Variants in ADGB observed in about 807,000 individuals in gnomAD.
ADGB encodes androglobin.
In ADGB, 172 loss-of-function variants were observed where a neutral mutation model predicts 210.5. That is an observed-to-expected ratio of 0.82 (90% CI 0.72 to 0.93). The LOEUF (loss-of-function observed/expected upper bound fraction) is 0.93. ADGB is among the 40% of genes least tolerant of loss of function. The pLI, the probability that ADGB is intolerant of heterozygous loss-of-function variation, is 0.00. For missense variants in ADGB, 2,025 were observed against 1,964.8 expected (o/e 1.03, Z -0.58); for synonymous variants, 658 against 662.7 (o/e 0.99, Z 0.11).
In ADGB at chr6:146,691,295, G is replaced by A. The variant is rs1422476091; in HGVS notation, c.1486+5G>A. 6.5e-7 allele frequency: 1 copy of A among 1,534,006 alleles called. No individual in the cohort carries two copies. Among genetic ancestry groups the A allele is most frequent in the Non-Finnish European group, 8.8e-7 (1 of 1,141,050 alleles). ...TTATAACAGATGAAGCTCAAGGTATGTATCACATCATCTTCAAATCCTTCT... is the reference window on the plus strand; with the variant it reads ...TTATAACAGATGAAGCTCAAGGTATATATCACATCATCTTCAAATCCTTCT... On this transcript the variant is annotated splice_donor_5th_base_variant and intron_variant, in intron 11 of 35. Transcript: ENST00000397944.
intron 4 of ADGB, among the ~76,000 whole-genome samples, chr6:146,655,827 A>G (rs1775771491): frequency 6.6e-6 from 1 of 152,160 alleles, no homozygotes; most frequent in Non-Finnish European, 1.5e-5. Flanking sequence ...TTTCTACTTT[A>G]TCAAACATTA....
At chr6:146,761,435 T>A (rs1214462454) in intron 27 of ADGB, among the ~76,000 whole-genome samples, 1 of 152,054 alleles carries the variant, frequency 6.6e-6, no homozygotes, top group African/African-American at 2.4e-5. Flanking sequence ...TCTGGATCAG[T>A]TGATCTAAAT....
chr6:146,643,319 G>A (rs1396186946), intron 2 of ADGB, among the ~76,000 whole-genome samples: 2 of 151,748 alleles, frequency 1.3e-5, no homozygotes, highest in Admixed American at 1.3e-4. Context: ...AGGCCACACC[G>A]GCCTTAGGGT....
intron 13 of ADGB, among the ~76,000 whole-genome samples, chr6:146,709,670 C>T (rs913437198): frequency 1.3e-5 from 2 of 152,172 alleles, no homozygotes; most frequent in African/African-American, 2.4e-5. Flanking sequence ...GTGGCCTGGA[C>T]CCTAGGCCTG....
intron 1 of ADGB, among the ~76,000 whole-genome samples, chr6:146,614,588 C>T (rs1305537415): frequency 6.6e-6 from 1 of 152,026 alleles, no homozygotes; most frequent in Non-Finnish European, 1.5e-5. Flanking sequence ...TAATACATAA[C>T]TGTACATATT....
intron 25 of ADGB, among the ~76,000 whole-genome samples, chr6:146,741,891 C>T (rs1777168076): frequency 6.6e-6 from 1 of 152,168 alleles, no homozygotes; most frequent in Non-Finnish European, 1.5e-5. Context: ...ATAATGTATA[C>T]CTAGCTGGAT....
intron 32 of ADGB, among the ~76,000 whole-genome samples, chr6:146,786,958 T>A (rs150981224): frequency 6.6e-6 from 1 of 151,918 alleles, no homozygotes; most frequent in African/African-American, 2.4e-5. Flanking sequence ...CAGGAACAAG[T>A]GGGGAATTAA....
Position 146,803,708 on chromosome 6 carries a change from ATAATCTCT to A in ADGB, c.4818+1701_4818+1708del, listed in dbSNP as rs1778166143. The stretch of plus-strand genomic sequence containing the variant: ...TTTAACATTGTGAGTTTCCGATGCC[ATAATCTCT>A]TAAGTACCGGCGCCTCATGGTACCG... On this transcript the variant is annotated intron_variant, in intron 35 of 35. Transcript: ENST00000397944. 6 of 1,102,118 alleles carry A rather than the reference ATAATCTCT, an allele frequency of 5.4e-6. No homozygotes were observed. The Admixed American group carries it at 9.6e-5, about 18-fold the overall frequency. The allele number at this position is 1,102,118 out of a possible 1,614,324, so 68.3% of individuals were successfully genotyped here.
At chr6:146,655,529 T>C (rs1256634632) in intron 4 of ADGB, among the ~76,000 whole-genome samples, 1 of 152,178 alleles carries the variant, frequency 6.6e-6, no homozygotes, top group African/African-American at 2.4e-5. Context: ...AAAATTATTT[T>C]CTGCTAAGAC....
rs1054377163 is a variant in ADGB at position 146,815,181 on chromosome 6, T to C, written c.4968T>C (p.Pro1656=). 7 of 1,511,138 alleles carry C rather than the reference T, an allele frequency of 4.6e-6. No homozygotes were observed. The highest frequency in any genetic ancestry group is 6.2e-6 in the Non-Finnish European group (7 of 1,136,624). The allele number at this position is 1,511,138 out of a possible 1,614,324, so 93.6% of individuals were successfully genotyped here. The change falls in exon 36 of 36, where the codon CCT becomes CCC. Residue 1656 remains proline, a synonymous_variant. Transcript: ENST00000397944. ...AGACAGAAAAGATGACCCCAGCTCC[T>C]GACACACAGAAAAAAAAGAAAGGAA... is the stretch of plus-strand genomic sequence containing the variant. The part of the protein sequence containing the change: ...KLETEKMTPA[P]DTQKKKKGKK...
In ADGB at chr6:146,602,682, C is replaced by T. The variant is rs527304777; in HGVS notation, c.74+3568C>T. Among the ~76,000 whole-genome samples, 5 of 152,228 alleles carry T rather than the reference C, an allele frequency of 3.3e-5. No homozygotes were observed. The East Asian group carries it at 7.7e-4, about 24-fold the overall frequency. ...CAAGGGTCCCCACCCGCTGGGGCTGCGGACCAGTACCAGTCCATGGCCTGT... is the reference window on the plus strand; with the variant it reads ...CAAGGGTCCCCACCCGCTGGGGCTGTGGACCAGTACCAGTCCATGGCCTGT... On this transcript the variant is annotated intron_variant, in intron 1 of 35. Coordinates refer to ENST00000397944, the MANE Select transcript of ADGB (RefSeq NM_024694.4).
intron 29 of ADGB, among the ~76,000 whole-genome samples, chr6:146,776,081 G>T (rs1285184235): frequency 6.6e-6 from 1 of 152,038 alleles, no homozygotes; most frequent in Non-Finnish European, 1.5e-5. Flanking sequence ...GGAGGATATT[G>T]TAAGAGGAGA....
rs1205001920 is a variant in ADGB, at chr6:146,769,065, C to T, written c.3796C>T (p.Pro1266Ser). 1.3e-6 allele frequency: 2 copies of T among 1,530,624 alleles called. No homozygotes were observed. The highest frequency in any genetic ancestry group is 2.0e-5 in the Admixed American group (1 of 50,902). The allele number at this position is 1,530,624 out of a possible 1,614,324, so 94.8% of individuals were successfully genotyped here. The change falls in exon 29 of 36, where the codon CCT (proline) becomes TCT (serine). Residue 1266 changes from proline to serine, a missense_variant. Transcript: ENST00000397944. ...GTGTTCGGTGTTGTATAACAGTTGG[C>T]CTCTCACTGAAAGCCAGCTGACATT... The part of the protein sequence containing the change: ...IQCSVLYNSW[P>S]LTESQLTFVQ...
intron 1 of ADGB, among the ~76,000 whole-genome samples, chr6:146,620,903 C>T (rs1323358012): frequency 2.0e-5 from 3 of 152,104 alleles, no homozygotes; most frequent in South Asian, 2.1e-4. Context: ...GAGACAGCCA[C>T]TTCCAGTTTT....
At chr6:146,680,019 C>T (rs1776136572) in intron 9 of ADGB, among the ~76,000 whole-genome samples, 1 of 152,102 alleles carries the variant, frequency 6.6e-6, no homozygotes, top group African/African-American at 2.4e-5. Flanking sequence ...AAATCAATAA[C>T]ATTAGAATAT....
rs73571704 is a variant in ADGB at position 146,701,183 on chromosome 6, T to G, written c.1707+113T>G. On this transcript the variant is annotated intron_variant, in intron 13 of 35. Coordinates refer to ENST00000397944, the MANE Select transcript of ADGB (RefSeq NM_024694.4). Reference sequence around the variant, plus strand: ...GAATGTATAACATGGATCTGAACAGTATAAAGAATAGTGTTAAAATAAATC... The same window carrying G: ...GAATGTATAACATGGATCTGAACAGGATAAAGAATAGTGTTAAAATAAATC... The G allele has an allele frequency of 0.014, 16,793 of 1,196,980 alleles. 1,555 individuals carry two copies. The African/African-American group carries it at 0.22, about 15-fold the overall frequency. 74.1% of individuals were successfully genotyped at this position (1,196,980 alleles called of 1,614,324 possible). A position where few individuals can be genotyped will look rare whatever the true frequency, so the allele number is the denominator to read the frequency against.
At chr6:146,729,016 TA>T (rs1469793783) in intron 20 of ADGB, among the ~76,000 whole-genome samples, 2 of 152,210 alleles carry the variant, frequency 1.3e-5, no homozygotes, top group Non-Finnish European at 2.9e-5. Flanking sequence ...GACATCCCTT[TA>T]AAAGTTCCCA....
At chr6:146,771,688 T>C (rs1451423504) in intron 29 of ADGB, among the ~76,000 whole-genome samples, 1 of 152,130 alleles carries the variant, frequency 6.6e-6, no homozygotes, top group Non-Finnish European at 1.5e-5. Context: ...GTAGATAGAG[T>C]ATATGCCTAA....
intron 15 of ADGB, 80 bp from the exon 16 acceptor site, chr6:146,717,456 T>C: frequency 2.6e-6 from 2 of 771,558 alleles, no homozygotes; most frequent in Non-Finnish European, 4.0e-6. Context: ...CCTACAATAA[T>C]TTGATTATAA....
Sources: gnomAD v4.1 joint callset for allele counts (sites outside exome capture counted in the v4.1 genomes callset) on GRCh38, gnomAD v4.1.1 for gene constraint, MANE v1.5 for transcripts, NCBI Gene and HGNC (gene_info 2026-07-23, HGNC 2026-07-21) for gene names.